The following SLC24A3 variants were observed in gnomAD, a reference collection of about 807,000 sequenced individuals.
SLC24A3 encodes sodium/potassium/calcium exchanger 3.
A neutral mutation model predicts 75.8 loss-of-function variants in SLC24A3; 28 were observed. The ratio of observed to expected loss-of-function variants is 0.37; its 90% CI spans 0.27 to 0.51. The LOEUF (loss-of-function observed/expected upper bound fraction) is 0.51. Among genes scored for constraint, SLC24A3 ranks in the 20% least tolerant of loss-of-function variants. The pLI, the probability that SLC24A3 is intolerant of heterozygous loss-of-function variation, is 0.94. For missense variants in SLC24A3, 663 were observed against 847.8 expected (o/e 0.78, Z 2.71); for synonymous variants, 372 against 334.1 (o/e 1.11, Z -1.24).
At chr20:19,424,883 A>G (rs987723345) in intron 2 of SLC24A3, among the ~76,000 whole-genome samples, 3 of 152,100 alleles carry the variant, frequency 2.0e-5, no homozygotes, top group Admixed American at 6.6e-5. Context: ...TTTGACACTC[A>G]TTCTATAGTT....
intron 2 of SLC24A3, among the ~76,000 whole-genome samples, chr20:19,471,344 T>A (rs1987866104): frequency 6.6e-6 from 1 of 152,196 alleles, no homozygotes. Context: ...TGCCTCAGAT[T>A]TCAGCCTTAA....
At chr20:19,652,407 A>G (rs2032216255) in intron 6 of SLC24A3, among the ~76,000 whole-genome samples, 1 of 152,256 alleles carries the variant, frequency 6.6e-6, no homozygotes, top group Admixed American at 6.5e-5. Context: ...TGGAAAATGA[A>G]CAATTTAGTC....
intron 1 of SLC24A3, among the ~76,000 whole-genome samples, chr20:19,226,578 C>T (rs1981876765): frequency 6.6e-6 from 1 of 152,160 alleles, no homozygotes; most frequent in Non-Finnish European, 1.5e-5. Context: ...TAATAATAAT[C>T]ACAGTATTTT....
chr20:19,312,558 G>A (rs1487991937), intron 2 of SLC24A3, among the ~76,000 whole-genome samples: 1 of 152,070 alleles, frequency 6.6e-6, no homozygotes, highest in African/African-American at 2.4e-5. Context: ...CCAGAAGGTG[G>A]GATTCTTCAT....
chr20:19,466,428 C>T (rs1221354235), intron 2 of SLC24A3, among the ~76,000 whole-genome samples: 1 of 152,182 alleles, frequency 6.6e-6, no homozygotes, highest in African/African-American at 2.4e-5. Flanking sequence ...AGCCAGTGTG[C>T]AGTGGAAGTG....
intron 2 of SLC24A3, among the ~76,000 whole-genome samples, chr20:19,484,897 T>C (rs1485415248): frequency 1.3e-5 from 2 of 152,212 alleles, no homozygotes; most frequent in Non-Finnish European, 2.9e-5. Context: ...AATAGGTGTG[T>C]ATTTTTTCAG....
At chr20:19,713,100 G>A (rs2033007667) in intron 15 of SLC24A3, among the ~76,000 whole-genome samples, 2 of 152,198 alleles carry the variant, frequency 1.3e-5, no homozygotes, top group Non-Finnish European at 2.9e-5. Flanking sequence ...ATTTTACCAT[G>A]TAAAATGGCA....
intron 2 of SLC24A3, among the ~76,000 whole-genome samples, chr20:19,476,106 G>A (rs57440462): frequency 3.3e-5 from 5 of 152,142 alleles, no homozygotes; most frequent in Admixed American, 6.5e-5. Context: ...TCAGACCCAC[G>A]CGATCCACTC....
At chr20:19,221,977 T>A (rs1213513523) in intron 1 of SLC24A3, among the ~76,000 whole-genome samples, 1 of 152,328 alleles carries the variant, frequency 6.6e-6, no homozygotes, top group Non-Finnish European at 1.5e-5. Context: ...GTCTATTATT[T>A]GGGTGTTTGA....
chr20:19,366,327 A>G (rs943581287), intron 2 of SLC24A3, among the ~76,000 whole-genome samples: 3 of 152,220 alleles, frequency 2.0e-5, no homozygotes, highest in African/African-American at 7.2e-5. Context: ...CCAGCCTTCT[A>G]GAAGTGAAAG....
rs566968513 is a variant in SLC24A3, at chr20:19,669,807, AG to A, written c.714-3792del. On this transcript the variant is annotated intron_variant, in intron 8 of 16. Coordinates refer to ENST00000328041, the MANE Select transcript of SLC24A3 (RefSeq NM_020689.4). The stretch of plus-strand genomic sequence containing the variant: ...GGAAACCAGAGCCAACAGTGTACCC[AG>A]GTGAGGAGAGGAGCAGTCCTCACAT... Among the ~76,000 whole-genome samples, 9 of 152,288 alleles carry A rather than the reference AG, an allele frequency of 5.9e-5. No homozygotes were observed. In the South Asian group the frequency reaches 1.9e-3, roughly 32 times the overall value.
intron 1 of SLC24A3, among the ~76,000 whole-genome samples, chr20:19,231,483 G>A (rs1982021027): frequency 6.6e-6 from 1 of 152,212 alleles, no homozygotes; most frequent in Non-Finnish European, 1.5e-5. Flanking sequence ...CAGAGAAGGT[G>A]ATGTGCCAAC....
At chr20:19,667,925 T>A (rs1024995078) in intron 8 of SLC24A3, among the ~76,000 whole-genome samples, 12 of 152,172 alleles carry the variant, frequency 7.9e-5, no homozygotes, top group Admixed American at 6.5e-4. Context: ...ATCAGAGCCC[T>A]CGCCCTGAGC....
At chr20:19,507,583 T>C (rs1988479770) in intron 2 of SLC24A3, among the ~76,000 whole-genome samples, 1 of 152,190 alleles carries the variant, frequency 6.6e-6, no homozygotes, top group Non-Finnish European at 1.5e-5. Context: ...TGCAAAATGG[T>C]GAGCCAGGCA....
chr20:19,693,454 G>A, intron 13 of SLC24A3, 29 bp downstream of exon 13: 1 of 1,609,712 alleles, frequency 6.2e-7, no homozygotes. Flanking sequence ...CCATGGCACT[G>A]TTAAATCTCT....
chr20:19,451,431 C>A (rs1166066744), intron 2 of SLC24A3, among the ~76,000 whole-genome samples: 1 of 152,234 alleles, frequency 6.6e-6, no homozygotes, highest in Non-Finnish European at 1.5e-5. Flanking sequence ...GTCCATTCGT[C>A]ATCATGTTGA....
At chr20:19,535,290 C>T (rs1193948060) in intron 3 of SLC24A3, among the ~76,000 whole-genome samples, 3 of 152,182 alleles carry the variant, frequency 2.0e-5, no homozygotes, top group Non-Finnish European at 4.4e-5. Context: ...GACTCAACTG[C>T]GTGGTTCTTC....
At chr20:19,718,830 G>A (rs1248866122) in intron 16 of SLC24A3, among the ~76,000 whole-genome samples, 2 of 152,282 alleles carry the variant, frequency 1.3e-5, no homozygotes, top group South Asian at 2.1e-4. Context: ...CTGAGTTCAC[G>A]AGAAATGTTC....
intron 7 of SLC24A3, among the ~76,000 whole-genome samples, chr20:19,662,202 C>A (rs1014992268): frequency 6.6e-6 from 1 of 152,132 alleles, no homozygotes; most frequent in Non-Finnish European, 1.5e-5. Flanking sequence ...TCTGGGCTAT[C>A]GCAGAGCCTG....
Sources: gnomAD v4.1 joint callset for allele counts (sites outside exome capture counted in the v4.1 genomes callset) on GRCh38, gnomAD v4.1.1 for gene constraint, MANE v1.5 for transcripts, NCBI Gene and HGNC (gene_info 2026-07-23, HGNC 2026-07-21) for gene names.